AP2B1: variants seen among roughly 807,000 people sequenced by gnomAD.
AP2B1 encodes the protein adaptor related protein complex 2 subunit beta 1, also known as AP-2 complex subunit beta.
In AP2B1, 23 loss-of-function variants were observed where a neutral mutation model predicts 102.0. That is an observed-to-expected ratio of 0.23 (90% CI 0.16 to 0.32). The LOEUF (loss-of-function observed/expected upper bound fraction) is 0.32. Ranked by LOEUF, AP2B1 falls within the 10% of genes least tolerant of loss-of-function variation. The probability of loss-of-function intolerance (pLI) is 1.00; values close to 1 mark genes in which losing one functional copy is unlikely to be tolerated. For missense variants in AP2B1, 541 were observed against 1,157.4 expected, an observed-to-expected ratio of 0.47 and a Z score of 7.73; for synonymous variants, 381 against 421.2, an observed-to-expected ratio of 0.90 and a Z score of 1.17.
chr17:35,594,162 C>A, intron 2 of AP2B1, 95 bp downstream of exon 2: 1 of 725,598 alleles, frequency 1.4e-6, no homozygotes, highest in Non-Finnish European at 2.3e-6. Flanking sequence ...TTCCTTCAGA[C>A]ATACATGTAG....
At chr17:35,604,105 T>C (rs921631840) in intron 3 of AP2B1, among the ~76,000 whole-genome samples, 3 of 152,132 alleles carry the variant, frequency 2.0e-5, no homozygotes, top group African/African-American at 7.2e-5. Flanking sequence ...ATAATTATTG[T>C]TATTTTTTAT....
At chr17:35,601,308 A>G (rs2073473020) in intron 3 of AP2B1, among the ~76,000 whole-genome samples, 1 of 152,052 alleles carries the variant, frequency 6.6e-6, no homozygotes, top group Non-Finnish European at 1.5e-5. Context: ...GATTCATAGT[A>G]TTTTTCATCA....
chr17:35,621,861 T>C (rs1040015514), intron 5 of AP2B1, among the ~76,000 whole-genome samples: 6 of 152,258 alleles, frequency 3.9e-5, no homozygotes, highest in Admixed American at 1.3e-4. Context: ...TTATATTTAA[T>C]CTTTTTGTTT....
intron 18 of AP2B1, among the ~76,000 whole-genome samples, chr17:35,707,216 C>T (rs982233309): frequency 1.3e-5 from 2 of 151,894 alleles, no homozygotes; most frequent in African/African-American, 4.8e-5. Context: ...TGCAGTGACA[C>T]GATTTCGGCT....
At chr17:35,720,170 C>T (rs782576488) in intron 21 of AP2B1, among the ~76,000 whole-genome samples, 1 of 152,048 alleles carries the variant, frequency 6.6e-6, no homozygotes, top group Admixed American at 6.6e-5. Flanking sequence ...GCTGTACATG[C>T]TTAAAAAGGC....
At chr17:35,663,766 G>A (rs556241717) in intron 14 of AP2B1, among the ~76,000 whole-genome samples, 55 of 152,228 alleles carry the variant, frequency 3.6e-4, no homozygotes, top group Admixed American at 9.2e-4. Flanking sequence ...GCTTGCCCTG[G>A]GCCTCTTGAT....
At chr17:35,635,779 C>T (rs1441139962) in intron 9 of AP2B1, among the ~76,000 whole-genome samples, 1 of 152,160 alleles carries the variant, frequency 6.6e-6, no homozygotes, top group African/African-American at 2.4e-5. Flanking sequence ...TCATTGCAGC[C>T]TCCACCTCCC....
chr17:35,645,272 A>G (rs1056050099), intron 12 of AP2B1, among the ~76,000 whole-genome samples: 4 of 152,170 alleles, frequency 2.6e-5, no homozygotes, highest in Admixed American at 6.5e-5. Flanking sequence ...TGATGATGCT[A>G]CTTCCACTGA....
At chr17:35,635,194 C>T (rs142297262) in intron 9 of AP2B1, among the ~76,000 whole-genome samples, 108 of 152,264 alleles carry the variant, frequency 7.1e-4, no homozygotes, top group African/African-American at 2.5e-3. Context: ...GCTGGGATTA[C>T]AGGCATGTGT....
At position 35,717,386 on chromosome 17, in the gene AP2B1, G is replaced by C. The variant is rs782379772; in HGVS notation, c.2781+37G>C. The C allele has an allele frequency of 1.2e-5, 20 of 1,611,458 alleles. No homozygotes were observed. The South Asian group carries it at 2.0e-4, about 16-fold the overall frequency. ...CTCAGAATGGGTGAGATGGATTAGA[G>C]GAGGGAGGTGAGAGCCCTTTCATGT... On this transcript the variant is annotated intron_variant, in intron 21 of 21. Transcript: ENST00000610402.
In AP2B1 at chr17:35,671,828, T is replaced by C; in HGVS notation, c.2106T>C (p.Ser702=). The change falls in exon 16 of 22, where the codon AGT becomes AGC. Residue 702 remains serine, a synonymous_variant. Coordinates refer to ENST00000610402, the MANE Select transcript of AP2B1 (RefSeq NM_001030006.2). ...APSPTPAVVS[S]GLNDLFELST... is the part of the protein sequence containing the mutation. ...CACCTACACCTGCTGTGGTCAGCAGTGGACTGAATGACCTGTTTGAACTCT... is the reference window on the plus strand; with the variant it reads ...CACCTACACCTGCTGTGGTCAGCAGCGGACTGAATGACCTGTTTGAACTCT... 6.2e-7 allele frequency: 1 copy of C among 1,613,942 alleles called. No individual in the cohort carries two copies. The highest frequency in any genetic ancestry group is 8.5e-7 in the Non-Finnish European group (1 of 1,179,874).
intron 5 of AP2B1, among the ~76,000 whole-genome samples, chr17:35,615,349 C>T (rs567097809): frequency 1.3e-5 from 2 of 152,274 alleles, no homozygotes; most frequent in South Asian, 4.1e-4. Flanking sequence ...ATGGTAAATG[C>T]TTAATAAACT....
At chr17:35,719,084 T>A (rs1365985660) in intron 21 of AP2B1, among the ~76,000 whole-genome samples, 1 of 152,212 alleles carries the variant, frequency 6.6e-6, no homozygotes, top group Non-Finnish European at 1.5e-5. Context: ...ACTTAACAAA[T>A]TTTTTAAATG....
chr17:35,660,083 G>T, intron 14 of AP2B1: 1 of 984,664 alleles, frequency 1.0e-6, no homozygotes, highest in Non-Finnish European at 1.2e-6. Context: ...CTTACAGAGT[G>T]CTTCTCAAAA....
chr17:35,708,394 T>A (rs1187805159), intron 18 of AP2B1, among the ~76,000 whole-genome samples: 2 of 152,000 alleles, frequency 1.3e-5, no homozygotes, highest in African/African-American at 4.8e-5. Flanking sequence ...CCTGAATGTA[T>A]ATACCAATCA....
intron 12 of AP2B1, among the ~76,000 whole-genome samples, chr17:35,643,903 A>T (rs1240072936): frequency 6.6e-6 from 1 of 152,186 alleles, no homozygotes; most frequent in Non-Finnish European, 1.5e-5. Context: ...ATGCCTGATC[A>T]GCTTTCTTTT....
chr17:35,701,031 CAAAGCAGAAGCTGAGGTGTGCA>C (rs929747873), intron 18 of AP2B1, among the ~76,000 whole-genome samples: 61 of 152,210 alleles, frequency 4.0e-4, no homozygotes, highest in African/African-American at 1.4e-3. Flanking sequence ...TGGGCATTCT[CAAAGCAGAAGCTGAGGTGTGCA>C]TTCTCTTCCT....
intron 17 of AP2B1, 119 bp downstream of exon 17, chr17:35,674,440 A>G (rs1439060291): frequency 8.1e-7 from 1 of 1,234,894 alleles, no homozygotes; most frequent in African/African-American, 1.5e-5. Context: ...ACAGTGGCTC[A>G]TGCCTATAAT....
At chr17:35,706,514 C>T (rs1056639760) in intron 18 of AP2B1, among the ~76,000 whole-genome samples, 6 of 152,156 alleles carry the variant, frequency 3.9e-5, no homozygotes, top group Non-Finnish European at 8.8e-5. Context: ...TGATACAGGT[C>T]TTCAGTTAAG....
Sources: gnomAD v4.1 joint callset for allele counts (sites outside exome capture counted in the v4.1 genomes callset) on GRCh38, gnomAD v4.1.1 for gene constraint, MANE v1.5 for transcripts, NCBI Gene and HGNC (gene_info 2026-07-23, HGNC 2026-07-21) for gene names.